The following PBK variants were observed in gnomAD, a reference collection of about 807,000 sequenced individuals.
PBK encodes the protein lymphokine-activated killer T-cell-originated protein kinase.
A neutral mutation model predicts 33.5 loss-of-function variants in PBK; 22 were observed. That is an observed-to-expected ratio of 0.66 (90% confidence interval 0.47 to 0.94). The LOEUF is 0.94. Among genes scored for constraint, PBK ranks in the 40% least tolerant of loss-of-function variants. The pLI, the probability that PBK is intolerant of heterozygous loss-of-function variation, is 0.00. For synonymous variants in PBK, 129 were observed against 123.8 expected (o/e 1.04, Z -0.28); for missense variants, 376 against 383.4 (o/e 0.98, Z 0.16).
chr8:27,825,843 G>A (rs778138718), intron 3 of PBK, among the ~76,000 whole-genome samples: 26 of 151,890 alleles, frequency 1.7e-4, no homozygotes, highest in Non-Finnish European at 3.2e-4. Context: ...AGAAAACCAA[G>A]CAAAAAAGAG....
chr8:27,836,163 G>C (rs535860881), intron 1 of PBK, among the ~76,000 whole-genome samples: 1 of 152,148 alleles, frequency 6.6e-6, no homozygotes, highest in South Asian at 2.1e-4. Context: ...GGAAGTGAGG[G>C]AGCAGGCCCA....
chr8:27,822,123 A>G (rs1441040102), intron 5 of PBK, among the ~76,000 whole-genome samples, 196 bp downstream of exon 5: 1 of 152,220 alleles, frequency 6.6e-6, no homozygotes, highest in Non-Finnish European at 1.5e-5. Context: ...CACATTTCTC[A>G]GAACATATTA....
At chr8:27,836,648 A>T (rs1357815548) in intron 1 of PBK, among the ~76,000 whole-genome samples, 2 of 152,126 alleles carry the variant, frequency 1.3e-5, no homozygotes, top group African/African-American at 4.8e-5. Flanking sequence ...TGGCGCGTAG[A>T]GTGTCCTGGA....
Position 27,834,683 on chromosome 8 carries a change from C to T in PBK, c.-20-1550G>A, listed in dbSNP as rs1806194301. On this transcript the variant is annotated intron_variant, in intron 1 of 7. Coordinates refer to ENST00000301905, the MANE Select transcript of PBK (RefSeq NM_018492.4). ...CCAAGGCAGGCGGATCAGTTGACAT[C>T]AGGAGTTCAAGACCAGCCTGGCCAA... Among the ~76,000 whole-genome samples, 4 of 152,180 alleles carry T rather than the reference C, an allele frequency of 2.6e-5. No individual in the cohort carries two copies. In the South Asian group the frequency reaches 8.3e-4, roughly 31 times the overall value.
intron 3 of PBK, among the ~76,000 whole-genome samples, chr8:27,824,189 T>C (rs1805984769): frequency 6.6e-6 from 1 of 152,130 alleles, no homozygotes; most frequent in African/African-American, 2.4e-5. Flanking sequence ...ACAGCAGCAT[T>C]TGAGGATAAT....
Position 27,823,078 on chromosome 8 carries a change from G to A in PBK, c.280C>T (p.His94Tyr), listed in dbSNP as rs746263867. The A allele has an allele frequency of 1.3e-6, 2 of 1,594,218 alleles. No homozygotes were observed. The highest frequency in any genetic ancestry group is 2.2e-5 in the East Asian group (1 of 44,568). The change falls in exon 4 of 8, where the codon CAT (histidine) becomes TAT (tyrosine). Residue 94 changes from histidine to tyrosine, a missense_variant. By Grantham distance (83) the His-to-Tyr change is moderately conservative. Transcript: ENST00000301905. Reference protein sequence around the residue: ...DEAKILKSLHHPNIVGYRAFT... With the variant: ...DEAKILKSLHYPNIVGYRAFT... ...TTAAACGTACCAACAATGTTTGGATGATGAAGGCTTTTCAAAATCTTAGCT... is the reference window on the plus strand; with the variant it reads ...TTAAACGTACCAACAATGTTTGGATAATGAAGGCTTTTCAAAATCTTAGCT...
intron 6 of PBK, among the ~76,000 whole-genome samples, chr8:27,820,347 A>G (rs1805895377): frequency 6.6e-6 from 1 of 152,212 alleles, no homozygotes; most frequent in African/African-American, 2.4e-5. Context: ...GTTAAAATAT[A>G]TACTAATACT....
At chr8:27,823,272 C>T in intron 3 of PBK, 67 bp from the exon 4 acceptor site, 1 of 1,060,140 alleles carries the variant, frequency 9.4e-7, no homozygotes, top group Non-Finnish European at 1.4e-6. Flanking sequence ...AAAATGACTT[C>T]CAAATTTTTG....
chr8:27,818,876 A>G (rs552987380), intron 6 of PBK, among the ~76,000 whole-genome samples: 12 of 152,138 alleles, frequency 7.9e-5, no homozygotes, highest in African/African-American at 2.4e-4. Context: ...TTTTCCCCCA[A>G]TCTTCAATAT....
chr8:27,817,551 GT>G (rs1554560035), intron 6 of PBK, among the ~76,000 whole-genome samples: 48 of 148,380 alleles, frequency 3.2e-4, no homozygotes, highest in Admixed American at 5.4e-4. Context: ...TTTTAACCCT[GT>G]TTTTTTTTTC....
intron 1 of PBK, among the ~76,000 whole-genome samples, chr8:27,833,490 C>G (rs1183666971): frequency 2.1e-5 from 3 of 145,194 alleles, no homozygotes; most frequent in African/African-American, 7.7e-5. Context: ...GCCTGGGCAA[C>G]AAGAGCAAAA....
At chr8:27,815,610 G>A (rs1368373651) in intron 6 of PBK, among the ~76,000 whole-genome samples, 1 of 152,044 alleles carries the variant, frequency 6.6e-6, no homozygotes, top group Non-Finnish European at 1.5e-5. Flanking sequence ...GTATATACAC[G>A]TATATGTGTG....
intron 6 of PBK, 73 bp from the exon 7 acceptor site, chr8:27,811,207 G>T (rs139830648): frequency 1.3e-4 from 177 of 1,367,156 alleles, no homozygotes; most frequent in Non-Finnish European, 1.8e-4. Flanking sequence ...AAGGGAAACA[G>T]GCGAACGATT....
In PBK at chr8:27,817,492, G is replaced by C. The variant is rs182420075; in HGVS notation, c.595+3073C>G. ...TTTAATGTGTTAGTATCTTTTATTAGGATTATTAACTGTTTTTGTTACTGC... is the reference window on the plus strand; with the variant it reads ...TTTAATGTGTTAGTATCTTTTATTACGATTATTAACTGTTTTTGTTACTGC... On this transcript the variant is annotated intron_variant, in intron 6 of 7. Coordinates refer to ENST00000301905, the MANE Select transcript of PBK (RefSeq NM_018492.4). Among the ~76,000 whole-genome samples the C allele has an allele frequency of 1.3e-4, 20 of 151,766 alleles. 2 individuals are homozygous for C. In the East Asian group the frequency reaches 3.9e-3, roughly 29 times the overall value.
intron 2 of PBK, among the ~76,000 whole-genome samples, chr8:27,828,647 G>A (rs1486555807): frequency 6.7e-6 from 1 of 149,790 alleles, no homozygotes; most frequent in Non-Finnish European, 1.5e-5. Flanking sequence ...CACACCTGTG[G>A]TCTCAGCTAC....
intron 3 of PBK, 85 bp from the exon 4 acceptor site, chr8:27,823,290 G>A: frequency 1.2e-6 from 1 of 826,542 alleles, no homozygotes; most frequent in South Asian, 1.8e-5. Flanking sequence ...TTGGGAAAAA[G>A]CTTGAAAGAA....
At position 27,810,453 on chromosome 8, in the gene PBK, G is replaced by A. The variant is rs377305728; in HGVS notation, c.821C>T (p.Ala274Val). 20 of 1,608,262 alleles carry A rather than the reference G, an allele frequency of 1.2e-5. No individual in the cohort carries two copies. Among genetic ancestry groups the A allele is most frequent in the East Asian group, 2.2e-5 (1 of 44,838 alleles). Residue 274 changes from alanine (A) to valine (V), a missense_variant, in exon 8 of 8, where the codon GCG (alanine) becomes GTG (valine). Ala to Val is a moderately conservative substitution (Grantham distance 64, BLOSUM62 0). Transcript: ENST00000301905. Reference sequence around the variant, plus strand: ...ATTAATAGGTGGCCTAGTTCCCAACGCTGCATAGTATGCTTCATCATCAAA... The same window carrying A: ...ATTAATAGGTGGCCTAGTTCCCAACACTGCATAGTATGCTTCATCATCAAA... ...SDFDDEAYYA[A>V]LGTRPPINME...
intron 2 of PBK, among the ~76,000 whole-genome samples, chr8:27,832,300 T>G (rs1200531355): frequency 6.6e-6 from 1 of 152,146 alleles, no homozygotes; most frequent in Admixed American, 6.5e-5. Flanking sequence ...TTCCTCAAAC[T>G]AATAAAGGGT....
At chr8:27,827,445 G>T (rs993727622) in intron 3 of PBK, among the ~76,000 whole-genome samples, 17 of 152,140 alleles carry the variant, frequency 1.1e-4, no homozygotes, top group African/African-American at 4.1e-4. Flanking sequence ...TATTCAGGAG[G>T]CTGAGGCAGG....
Sources: allele counts gnomAD v4.1 joint callset (sites outside exome capture counted in the v4.1 genomes callset), GRCh38; gene constraint gnomAD v4.1.1; transcripts MANE v1.5; gene names NCBI Gene and HGNC (gene_info 2026-07-23, HGNC 2026-07-21).